DIAPH3: variants seen among roughly 807,000 people sequenced by gnomAD.
The protein encoded by DIAPH3 is diaphanous related formin 3.
DIAPH3 carries 117 observed loss-of-function variants against 144.3 expected under a neutral mutation model. The observed-to-expected ratio is 0.81, with a 90% CI of 0.70 to 0.95. The LOEUF is 0.95. Ranked by LOEUF, DIAPH3 falls within the 40% of genes least tolerant of loss-of-function variation. DIAPH3 has a pLI of 0.00. For synonymous variants in DIAPH3, 519 were observed against 488.9 expected, an observed-to-expected ratio of 1.06 and a Z score of -0.81; for missense variants, 1,421 against 1,412.7, an observed-to-expected ratio of 1.01 and a Z score of -0.09.
intron 12 of DIAPH3, 152 bp from the exon 13 acceptor site, chr13:59,984,039 G>C (rs769672620): frequency 3.2e-6 from 2 of 619,016 alleles, no homozygotes; most frequent in East Asian, 5.3e-5. Flanking sequence ...CTGGGAGTGA[G>C]AGTAAATACA....
At chr13:60,066,676 G>A (rs1460380094) in intron 4 of DIAPH3, among the ~76,000 whole-genome samples, 2 of 152,188 alleles carry the variant, frequency 1.3e-5, no homozygotes, top group African/African-American at 2.4e-5. Context: ...ATTCCAGGCT[G>A]AGATTAAAAA....
At chr13:59,777,384 G>A (rs1368078752) in intron 25 of DIAPH3, among the ~76,000 whole-genome samples, 5 of 152,068 alleles carry the variant, frequency 3.3e-5, no homozygotes, top group African/African-American at 1.2e-4. Flanking sequence ...AATGTAGGAA[G>A]GAGAGTTCCT....
In DIAPH3 at chr13:59,710,999, C is replaced by T. The variant is rs115537583; in HGVS notation, c.3320-44153G>A. Among the ~76,000 whole-genome samples the T allele has an allele frequency of 2.6e-3, 394 of 152,284 alleles. 3 individuals carry two copies. Among genetic ancestry groups the T allele is most frequent in the African/African-American group, 8.9e-3 (370 of 41,552 alleles). On this transcript the variant is annotated intron_variant, in intron 27 of 27. Coordinates refer to ENST00000400324, the MANE Select transcript of DIAPH3 (RefSeq NM_001042517.2). ...ACTATAATGCACCCTGGCCAAGAAG[C>T]GAGGCTTTACCTTGCTCTTTAAAGT...
chr13:59,945,066 C>T (rs2048735394), intron 17 of DIAPH3, among the ~76,000 whole-genome samples: 1 of 152,114 alleles, frequency 6.6e-6, no homozygotes, highest in Admixed American at 6.6e-5. Context: ...CCTCACCTTC[C>T]TCCCTGCTTT....
intron 21 of DIAPH3, among the ~76,000 whole-genome samples, chr13:59,869,480 C>A (rs2139989766): frequency 6.6e-6 from 1 of 152,260 alleles, no homozygotes; most frequent in East Asian, 1.9e-4. Flanking sequence ...TACCCATATA[C>A]CGGATTGTGA....
chr13:60,141,300 T>C (rs1341459361), intron 1 of DIAPH3, among the ~76,000 whole-genome samples: 3 of 149,958 alleles, frequency 2.0e-5, no homozygotes, highest in Non-Finnish European at 4.4e-5. Context: ...AAGCAAGACC[T>C]AGTCTCATAA....
intron 27 of DIAPH3, among the ~76,000 whole-genome samples, chr13:59,740,506 T>C (rs2036391379): frequency 6.6e-6 from 1 of 152,214 alleles, no homozygotes; most frequent in African/African-American, 2.4e-5. Context: ...ATTAGCCTGT[T>C]TGCTGGGATT....
At chr13:59,677,075 T>A (rs937478636) in intron 27 of DIAPH3, among the ~76,000 whole-genome samples, 1 of 152,146 alleles carries the variant, frequency 6.6e-6, no homozygotes. Flanking sequence ...CTTGTTTTAT[T>A]CACTGGTGTA....
intron 24 of DIAPH3, 131 bp downstream of exon 24, chr13:59,832,976 G>T (rs1566381528): frequency 1.3e-6 from 1 of 784,464 alleles, no homozygotes; most frequent in Admixed American, 2.2e-5. Flanking sequence ...TTTTAAATCT[G>T]AAATTTTATA....
intron 24 of DIAPH3, among the ~76,000 whole-genome samples, chr13:59,821,501 A>C (rs929306105): frequency 2.0e-5 from 3 of 152,148 alleles, no homozygotes; most frequent in African/African-American, 7.2e-5. Flanking sequence ...AATTTAAAAA[A>C]TTAATACTAG....
At chr13:59,839,509 C>A in intron 22 of DIAPH3, 61 bp from the exon 23 acceptor site, 1 of 1,516,498 alleles carries the variant, frequency 6.6e-7, no homozygotes. Flanking sequence ...AAAGGTAAGA[C>A]ACCCTAGAAA....
At position 60,049,184 on chromosome 13, in the gene DIAPH3, A is replaced by G. The variant is rs553765142; in HGVS notation, c.496-6364T>C. ...CAAAAAGTACACAGTGGATGGTTCT[A>G]TTTATATGAAAAACCAAAACTAACC... On this transcript the variant is annotated intron_variant, in intron 4 of 27. Coordinates refer to ENST00000400324, the MANE Select transcript of DIAPH3 (RefSeq NM_001042517.2). Among the ~76,000 whole-genome samples the G allele has an allele frequency of 1.6e-4, 24 of 152,310 alleles. No homozygotes were observed. In the South Asian group the frequency reaches 5.0e-3, roughly 32 times the overall value.
chr13:59,964,468 C>T (rs1020114552), intron 17 of DIAPH3, among the ~76,000 whole-genome samples: 1 of 151,956 alleles, frequency 6.6e-6, no homozygotes, highest in African/African-American at 2.4e-5. Flanking sequence ...TCAAAACAGA[C>T]ATGTTTTTTG....
At chr13:59,803,600 A>C (rs1043898630) in intron 25 of DIAPH3, among the ~76,000 whole-genome samples, 9 of 152,206 alleles carry the variant, frequency 5.9e-5, no homozygotes, top group Non-Finnish European at 1.0e-4. Flanking sequence ...CAAAAGAAAA[A>C]AATAATCACT....
At chr13:59,967,611 C>T (rs1348822259) in intron 17 of DIAPH3, among the ~76,000 whole-genome samples, 4 of 152,124 alleles carry the variant, frequency 2.6e-5, no homozygotes, top group African/African-American at 7.2e-5. Flanking sequence ...TTTCTCTGAA[C>T]GTAGCAATGA....
At chr13:59,891,046 TCCATAAGTCCAG>T (rs1309779537) in intron 20 of DIAPH3, among the ~76,000 whole-genome samples, 2 of 151,988 alleles carry the variant, frequency 1.3e-5, no homozygotes, top group Non-Finnish European at 2.9e-5. Flanking sequence ...GTGATTTAGT[TCCATAAGTCCAG>T]CCTCCTCTTT....
chr13:59,983,650 C>T, intron 13 of DIAPH3, 119 bp downstream of exon 13: 3 of 680,126 alleles, frequency 4.4e-6, no homozygotes, highest in Non-Finnish European at 7.7e-6. Flanking sequence ...ATTATGAAAA[C>T]AGTTTTGACA....
At position 60,090,399 on chromosome 13, in the gene DIAPH3, TTA is replaced by T. The variant is rs371589161; in HGVS notation, c.495+3227_495+3228del. ...TTTTTTTTAATTCTAAAAACCAACC[TTA>T]TCTACGTTAGGCCTACTTTGAGGGT... On this transcript the variant is annotated intron_variant, in intron 4 of 27. Transcript: ENST00000400324. Among the ~76,000 whole-genome samples the T allele has an allele frequency of 6.8e-3, 1,032 of 152,168 alleles. 4 individuals are homozygous for T. Among genetic ancestry groups the T allele is most frequent in the Non-Finnish European group, 0.011 (748 of 68,000 alleles).
At chr13:59,935,670 A>T (rs188016836) in intron 17 of DIAPH3, among the ~76,000 whole-genome samples, 16 of 152,372 alleles carry the variant, frequency 1.1e-4, no homozygotes, top group Admixed American at 7.8e-4. Flanking sequence ...CTTTAGTCAT[A>T]TCTGGCTTCC....
Sources: allele counts gnomAD v4.1 joint callset (sites outside exome capture counted in the v4.1 genomes callset), GRCh38; gene constraint gnomAD v4.1.1; transcripts MANE v1.5; gene names NCBI Gene and HGNC (gene_info 2026-07-23, HGNC 2026-07-21).